The following PRDM10 variants were observed in gnomAD, a reference collection of about 807,000 sequenced individuals.
PRDM10 encodes PR/SET domain 10.
PRDM10 carries 65 observed loss-of-function variants against 133.1 expected under a neutral mutation model. The observed-to-expected ratio is 0.49, with a 90% CI of 0.40 to 0.60. The LOEUF (loss-of-function observed/expected upper bound fraction) is 0.60. PRDM10 is among the 20% of genes least tolerant of loss of function. The pLI is 0.00. For missense variants in PRDM10, 1,137 were observed against 1,507.1 expected (o/e 0.75, Z 4.07); for synonymous variants, 582 against 580.4 (o/e 1.00, Z -0.04).
chr11:129,959,554 T>C (rs1459463494), intron 2 of PRDM10, among the ~76,000 whole-genome samples: 1 of 152,202 alleles, frequency 6.6e-6, no homozygotes, highest in Non-Finnish European at 1.5e-5. Flanking sequence ...GGCTATCTAC[T>C]ATCTGGTTAC....
chr11:129,943,210 G>A (rs1951271982), intron 6 of PRDM10, among the ~76,000 whole-genome samples: 1 of 152,198 alleles, frequency 6.6e-6, no homozygotes. Context: ...AGGGTCAGCT[G>A]TAAAGAGATG....
chr11:129,909,709 T>C (rs1478821761), intron 19 of PRDM10, among the ~76,000 whole-genome samples: 4 of 152,202 alleles, frequency 2.6e-5, no homozygotes, highest in East Asian at 1.9e-4. Flanking sequence ...TCATACTTCC[T>C]GGCCTGCCCC....
rs368035644 is a variant in PRDM10, at chr11:129,914,915, G to C, written c.2630C>G (p.Ala877Gly). 42 of 1,614,040 alleles carry C rather than the reference G, an allele frequency of 2.6e-5. No individual in the cohort carries two copies. The highest frequency in any genetic ancestry group is 3.6e-5 in the Non-Finnish European group (42 of 1,180,020). The change falls in exon 17 of 21, where the codon GCG becomes GGG. Residue 877 changes from alanine (A) to glycine (G), a missense_variant. Physicochemically the swap from Ala to Gly is moderately conservative, Grantham distance 60 (BLOSUM62 0). This residue lies in a region of PRDM10 where 113 missense variants were observed against 143.7 expected (regional missense o/e 0.79). Transcript: ENST00000360871. Reference protein sequence around the residue: ...LTTAVISATPAVLTTDSATGE... With the variant: ...LTTAVISATPGVLTTDSATGE... Reference sequence around the variant, plus strand: ...AGTGGCGCTGTCTGTAGTCAAAACCGCTGGGGTGGCACTGATCACAGCTGT... The same window carrying C: ...AGTGGCGCTGTCTGTAGTCAAAACCCCTGGGGTGGCACTGATCACAGCTGT...
intron 20 of PRDM10, among the ~76,000 whole-genome samples, chr11:129,903,845 G>A (rs1444389091): frequency 6.6e-6 from 1 of 151,992 alleles, no homozygotes; most frequent in Admixed American, 6.5e-5. Context: ...GGGTCCATAG[G>A]TCAGCTGCAA....
intron 13 of PRDM10, among the ~76,000 whole-genome samples, chr11:129,921,703 A>G (rs1455293110): frequency 2.0e-5 from 3 of 152,218 alleles, no homozygotes; most frequent in African/African-American, 7.2e-5. Context: ...TCTTCCCAGC[A>G]TGGTTCCGAG....
intron 9 of PRDM10, 107 bp from the exon 10 acceptor site, chr11:129,932,338 T>G (rs1377533441): frequency 3.7e-6 from 5 of 1,356,820 alleles, no homozygotes; most frequent in African/African-American, 2.9e-5. Context: ...TCCTCTCACC[T>G]TATTACTTTC....
rs1249481555 is a variant in PRDM10, at chr11:129,905,630, T to C, written c.3267+8A>G. ...ACAGGAAAAACCCGACCGAGTAGCG[T>C]AGCTTACCGAAGTAACCGCCTTCAC... On this transcript the variant is annotated splice_region_variant and intron_variant, in intron 20 of 20. Transcript: ENST00000360871. The C allele has an allele frequency of 1.2e-6, 2 of 1,611,088 alleles. No individual in the cohort carries two copies. Among genetic ancestry groups the C allele is most frequent in the Non-Finnish European group, 1.7e-6 (2 of 1,177,290 alleles).
chr11:129,963,245 G>A (rs774077728), intron 1 of PRDM10, among the ~76,000 whole-genome samples: 2 of 151,640 alleles, frequency 1.3e-5, no homozygotes, highest in African/African-American at 2.4e-5. Flanking sequence ...AAAAGGCTCA[G>A]TAATTACAAA....
At chr11:129,994,480 A>G (rs1440124481) in intron 1 of PRDM10, among the ~76,000 whole-genome samples, 2 of 150,704 alleles carry the variant, frequency 1.3e-5, no homozygotes. Flanking sequence ...AAAAAAAAAA[A>G]AAAGAAACGA....
At chr11:129,920,753 G>A (rs1268292576) in intron 13 of PRDM10, among the ~76,000 whole-genome samples, 1 of 151,850 alleles carries the variant, frequency 6.6e-6, no homozygotes, top group Non-Finnish European at 1.5e-5. Flanking sequence ...ATTCAAAAGT[G>A]TCACCATATC....
intron 1 of PRDM10, among the ~76,000 whole-genome samples, chr11:129,993,542 T>C (rs1401373703): frequency 1.3e-5 from 2 of 152,138 alleles, no homozygotes; most frequent in East Asian, 1.9e-4. Context: ...TGGAGTGCAG[T>C]GGTGCGATCT....
At chr11:129,967,715 G>A (rs1478902623) in intron 1 of PRDM10, among the ~76,000 whole-genome samples, 1 of 152,126 alleles carries the variant, frequency 6.6e-6, no homozygotes, top group Non-Finnish European at 1.5e-5. Context: ...TCACCCCATG[G>A]CGACACTTGC....
intron 8 of PRDM10, 60 bp from the exon 9 acceptor site, chr11:129,935,278 A>G (rs1669461947): frequency 1.6e-6 from 2 of 1,224,780 alleles, no homozygotes; most frequent in African/African-American, 1.5e-5. Flanking sequence ...GTAAAACTCA[A>G]AAGTCTGCGA....
At chr11:129,979,915 G>A (rs1350633522) in intron 1 of PRDM10, among the ~76,000 whole-genome samples, 1 of 152,184 alleles carries the variant, frequency 6.6e-6, no homozygotes, top group Non-Finnish European at 1.5e-5. Context: ...AGTTCCTTAG[G>A]CATATGTCCC....
At chr11:129,909,164 T>C (rs965888693) in intron 19 of PRDM10, among the ~76,000 whole-genome samples, 7 of 151,800 alleles carry the variant, frequency 4.6e-5, no homozygotes, top group Admixed American at 1.3e-4. Context: ...AGAGTATAGT[T>C]TGTGGCCGGG....
In PRDM10 at chr11:129,943,679, G is replaced by A. The variant is rs566026395; in HGVS notation, c.763-1050C>T. 7.9e-4 allele frequency among the ~76,000 whole-genome samples: 120 copies of A among 152,240 alleles called. 2 individuals carry two copies. The highest frequency in any genetic ancestry group is 2.9e-3 in the Admixed American group (44 of 15,280). ...GTTCAAGATCAACCTGGGCAACATG[G>A]CAAGACCCTGTATCCATAAAAAATA... On this transcript the variant is annotated intron_variant, in intron 6 of 20. Coordinates refer to ENST00000360871, the MANE Select transcript of PRDM10 (RefSeq NM_199437.2).
chr11:129,980,855 T>A (rs1333021176), intron 1 of PRDM10, among the ~76,000 whole-genome samples: 2 of 148,388 alleles, frequency 1.3e-5, no homozygotes, highest in Admixed American at 6.7e-5. Context: ...GGGTATGACA[T>A]TTCTGGTTTT....
chr11:129,946,259 GA>G (rs113258264), intron 5 of PRDM10, among the ~76,000 whole-genome samples: 1 of 146,660 alleles, frequency 6.8e-6, no homozygotes, highest in East Asian at 2.0e-4. Context: ...CAAAATTAAA[GA>G]AAAAAAAACA....
chr11:129,909,755 G>A (rs763078196), intron 19 of PRDM10, among the ~76,000 whole-genome samples: 5 of 152,078 alleles, frequency 3.3e-5, no homozygotes, highest in Non-Finnish European at 5.9e-5. Context: ...TACCTGCCCC[G>A]ACCTCTGTCA....
Sources: gnomAD v4.1 joint callset for allele counts (sites outside exome capture counted in the v4.1 genomes callset) on GRCh38, gnomAD v4.1.1 for gene constraint, gnomAD v4.1.1 regional missense constraint, MANE v1.5 for transcripts, NCBI Gene and HGNC (gene_info 2026-07-23, HGNC 2026-07-21) for gene names.